MCTP1: variants seen among roughly 807,000 people sequenced by gnomAD.
The protein encoded by MCTP1 is multiple C2 and transmembrane domain-containing protein 1.
MCTP1 carries 69 observed loss-of-function variants against 120.6 expected under a neutral mutation model. The ratio of observed to expected loss-of-function variants is 0.57; its 90% CI spans 0.47 to 0.70. The LOEUF (loss-of-function observed/expected upper bound fraction) is 0.70. Ranked by LOEUF, MCTP1 falls within the 30% of genes least tolerant of loss-of-function variation. The pLI is 0.00. For missense variants in MCTP1, 1,203 were observed against 1,248.8 expected (o/e 0.96, Z 0.55); for synonymous variants, 529 against 493.1 (o/e 1.07, Z -0.96).
Position 94,935,158 on chromosome 5 carries a change from AT to A in MCTP1, c.1174-3168del, listed in dbSNP as rs374231919. The stretch of plus-strand genomic sequence containing the variant: ...TATATATATATCTTCACATCTGGAA[AT>A]TTTTTTTTAAAGACTCAATCATGAC... On this transcript the variant is annotated intron_variant, in intron 5 of 22. Coordinates refer to ENST00000515393, the MANE Select transcript of MCTP1 (RefSeq NM_024717.7). Among the ~76,000 whole-genome samples the A allele has an allele frequency of 6.5e-4, 99 of 151,642 alleles. No individual in the cohort carries two copies. In the East Asian group the frequency reaches 0.011, roughly 17 times the overall value.
intron 17 of MCTP1, among the ~76,000 whole-genome samples, chr5:94,844,088 C>T (rs902019161): frequency 2.6e-5 from 4 of 151,736 alleles, no homozygotes; most frequent in African/African-American, 9.7e-5. Flanking sequence ...GGATCACCTG[C>T]GGTCAGGAGT....
intron 2 of MCTP1, among the ~76,000 whole-genome samples, chr5:95,012,792 G>C (rs1480270801): frequency 2.0e-5 from 3 of 151,908 alleles, no homozygotes; most frequent in Non-Finnish European, 4.4e-5. Context: ...TTCTCCTCAG[G>C]CCTCCCTATT....
At chr5:95,182,366 G>A (rs1451551548) in intron 1 of MCTP1, among the ~76,000 whole-genome samples, 1 of 152,150 alleles carries the variant, frequency 6.6e-6, no homozygotes, top group African/African-American at 2.4e-5. Context: ...CACTCTGTAT[G>A]GTAGGTTATA....
At chr5:94,862,179 C>G (rs7715122) in intron 17 of MCTP1, among the ~76,000 whole-genome samples, 1 of 151,612 alleles carries the variant, frequency 6.6e-6, no homozygotes, top group Non-Finnish European at 1.5e-5. Flanking sequence ...CTACTTTCCA[C>G]GTTACAGGAC....
intron 1 of MCTP1, among the ~76,000 whole-genome samples, chr5:95,176,834 G>T (rs1378263186): frequency 2.0e-5 from 3 of 152,046 alleles, no homozygotes; most frequent in African/African-American, 7.2e-5. Context: ...GTGAGACACT[G>T]TCTCAAATAT....
chr5:94,927,358 A>G (rs1457349331), intron 6 of MCTP1, among the ~76,000 whole-genome samples: 1 of 152,192 alleles, frequency 6.6e-6, no homozygotes, highest in Admixed American at 6.5e-5. Context: ...AACATTTCCA[A>G]ATAATACAGA....
At chr5:95,015,884 G>A (rs1837015228) in intron 2 of MCTP1, among the ~76,000 whole-genome samples, 1 of 151,982 alleles carries the variant, frequency 6.6e-6, no homozygotes, top group African/African-American at 2.4e-5. Context: ...GCATATGTAG[G>A]ACTAAAATTT....
chr5:94,737,396 A>C (rs900851746), intron 19 of MCTP1, among the ~76,000 whole-genome samples: 4 of 152,228 alleles, frequency 2.6e-5, no homozygotes, highest in African/African-American at 9.6e-5. Context: ...ATTAGAATAA[A>C]GCATAATTTC....
intron 1 of MCTP1, among the ~76,000 whole-genome samples, chr5:95,213,999 C>A (rs569404831): frequency 1.4e-4 from 21 of 152,126 alleles, no homozygotes; most frequent in East Asian, 5.8e-4. Context: ...GCAACAAAAG[C>A]CAAAATTGAC....
At chr5:95,263,993 A>G (rs1758683933) in intron 1 of MCTP1, among the ~76,000 whole-genome samples, 1 of 152,224 alleles carries the variant, frequency 6.6e-6, no homozygotes. Flanking sequence ...TTAAAAAACC[A>G]TCTTCTTGCA....
chr5:95,236,210 T>C (rs1442471723), intron 1 of MCTP1, among the ~76,000 whole-genome samples: 1 of 152,220 alleles, frequency 6.6e-6, no homozygotes, highest in Non-Finnish European at 1.5e-5. Context: ...GATATTCTCT[T>C]AACAACATGA....
In MCTP1 at chr5:94,714,824, G is replaced by C. The variant is rs1479186739; in HGVS notation, c.2673C>G (p.Val891=). ...IYAIQEVCVS[V]QNILDEVASF... Reference sequence around the variant, plus strand: ...AAGCCACTTCATCTAGGATGTTCTGGACACTGACACATACCTCCTGGATGG... The same window carrying C: ...AAGCCACTTCATCTAGGATGTTCTGCACACTGACACATACCTCCTGGATGG... The change falls in exon 20 of 23, where the codon GTC becomes GTG. Residue 891 remains valine (V), a synonymous_variant. Coordinates refer to ENST00000515393, the MANE Select transcript of MCTP1 (RefSeq NM_024717.7). 13 of 1,612,628 alleles carry C rather than the reference G, an allele frequency of 8.1e-6. No individual in the cohort carries two copies. Among genetic ancestry groups the C allele is most frequent in the Non-Finnish European group, 9.3e-6 (11 of 1,179,018 alleles).
At chr5:95,084,536 G>GTT (rs79057275) in intron 1 of MCTP1, among the ~76,000 whole-genome samples, 5 of 136,142 alleles carry the variant, frequency 3.7e-5, no homozygotes, top group African/African-American at 5.4e-5. Context: ...GTCTTTGGGT[G>GTT]TTTTTTTTTT....
intron 1 of MCTP1, among the ~76,000 whole-genome samples, chr5:95,214,140 T>C (rs189879808): frequency 1.1e-4 from 16 of 152,374 alleles, no homozygotes; most frequent in African/African-American, 3.6e-4. Context: ...ATATCCAGAA[T>C]CTACAAAGAA....
At chr5:94,891,960 G>A (rs959712592) in intron 11 of MCTP1, among the ~76,000 whole-genome samples, 6 of 152,028 alleles carry the variant, frequency 3.9e-5, no homozygotes, top group Non-Finnish European at 8.8e-5. Flanking sequence ...CTCAATAGAT[G>A]GGAAAAGATT....
At chr5:95,016,903 T>C (rs1001497348) in intron 2 of MCTP1, among the ~76,000 whole-genome samples, 1 of 152,122 alleles carries the variant, frequency 6.6e-6, no homozygotes, top group African/African-American at 2.4e-5. Flanking sequence ...TACTGCCAGA[T>C]CTGACCAGGC....
chr5:94,710,988 A>C, intron 20 of MCTP1, 61 bp from the exon 21 acceptor site: 1 of 1,115,892 alleles, frequency 9.0e-7, no homozygotes, highest in East Asian at 2.5e-5. Context: ...AAATATTAAA[A>C]TACATATGAT....
rs1285497563 is a variant in MCTP1 at position 95,208,031 on chromosome 5, AAG to A, written c.720+75823_720+75824del. On this transcript the variant is annotated intron_variant, in intron 1 of 22. Coordinates refer to ENST00000515393, the MANE Select transcript of MCTP1 (RefSeq NM_024717.7). ...AGGGAGAGAGAGGGAGAGAGAGAGA[AAG>A]AGAGAGCAAGAGAGAGAGTCACTCA... 3.3e-3 allele frequency among the ~76,000 whole-genome samples: 439 copies of A among 133,536 alleles called. 4 individuals are homozygous for A. Among genetic ancestry groups the A allele is most frequent in the African/African-American group, 0.011 (379 of 35,460 alleles). 87.6% of individuals were successfully genotyped at this position (133,536 alleles called of 152,430 possible).
intron 17 of MCTP1, among the ~76,000 whole-genome samples, chr5:94,849,600 T>C (rs947416689): frequency 6.6e-6 from 1 of 152,014 alleles, no homozygotes; most frequent in Non-Finnish European, 1.5e-5. Context: ...GCTGAGTAGG[T>C]ACACGGTCGA....
Sources: gnomAD v4.1 joint callset for allele counts (sites outside exome capture counted in the v4.1 genomes callset) on GRCh38, gnomAD v4.1.1 for gene constraint, MANE v1.5 for transcripts, NCBI Gene and HGNC (gene_info 2026-07-23, HGNC 2026-07-21) for gene names.